CORIN: variants seen among roughly 807,000 people sequenced by gnomAD.
CORIN encodes the protein corin, serine peptidase, also known as atrial natriuretic peptide-converting enzyme.
CORIN carries 117 observed loss-of-function variants against 125.3 expected under a neutral mutation model. That is an observed-to-expected ratio of 0.93 (90% CI 0.80 to 1.09). The LOEUF is 1.09. Among genes scored for constraint, CORIN ranks in the 50% least tolerant of loss-of-function variants. The probability of loss-of-function intolerance (pLI) is 0.00; values close to 1 mark genes in which losing one functional copy is unlikely to be tolerated. For synonymous variants in CORIN, 450 were observed against 466.4 expected (o/e 0.96, Z 0.45); for missense variants, 1,253 against 1,306.7 (o/e 0.96, Z 0.63).
intron 6 of CORIN, 34 bp downstream of exon 6, chr4:47,692,936 C>T (rs957722053): frequency 6.8e-7 from 1 of 1,466,704 alleles, no homozygotes. Flanking sequence ...AATCCCTGTC[C>T]ACTCAGACAA....
chr4:47,712,101 A>G (rs560356415), intron 5 of CORIN, among the ~76,000 whole-genome samples: 50 of 152,370 alleles, frequency 3.3e-4, no homozygotes, highest in Non-Finnish European at 6.2e-4. Context: ...TTGAGATAAT[A>G]TATGTTAACA....
At chr4:47,777,474 T>C (rs1241504816) in intron 3 of CORIN, among the ~76,000 whole-genome samples, 3 of 152,020 alleles carry the variant, frequency 2.0e-5, no homozygotes, top group Non-Finnish European at 4.4e-5. Flanking sequence ...CTACTAAAAA[T>C]ACAAAAATTA....
At chr4:47,791,279 A>G (rs1324744742) in intron 2 of CORIN, among the ~76,000 whole-genome samples, 1 of 152,186 alleles carries the variant, frequency 6.6e-6, no homozygotes, top group Non-Finnish European at 1.5e-5. Context: ...TTGAAGATGG[A>G]AAGAGCCACA....
intron 5 of CORIN, among the ~76,000 whole-genome samples, chr4:47,719,168 G>A (rs1043214642): frequency 2.6e-5 from 4 of 152,158 alleles, no homozygotes; most frequent in Non-Finnish European, 2.9e-5. Context: ...ATTCCTTGTG[G>A]TCTCTACTTT....
chr4:47,680,290 C>G (rs1725212833), intron 7 of CORIN, 39 bp from the exon 8 acceptor site: 1 of 1,443,350 alleles, frequency 6.9e-7, no homozygotes, highest in South Asian at 1.2e-5. Context: ...AGAGAACCAG[C>G]ATGACTAACA....
chr4:47,714,439 G>C (rs1162830013), intron 5 of CORIN, among the ~76,000 whole-genome samples: 1 of 152,156 alleles, frequency 6.6e-6, no homozygotes, highest in Non-Finnish European at 1.5e-5. Context: ...TCCAATCCCA[G>C]AAATGAGGAA....
At chr4:47,762,529 T>C (rs1156807736) in intron 4 of CORIN, among the ~76,000 whole-genome samples, 2 of 152,246 alleles carry the variant, frequency 1.3e-5, no homozygotes, top group African/African-American at 4.8e-5. Flanking sequence ...TCCTGTTTGA[T>C]ATTGTGCTGG....
At chr4:47,814,687 T>A (rs534976440) in intron 1 of CORIN, among the ~76,000 whole-genome samples, 6 of 152,270 alleles carry the variant, frequency 3.9e-5, no homozygotes, top group African/African-American at 1.4e-4. Context: ...GTTTTTAATA[T>A]CCCAGGAAGC....
chr4:47,707,508 T>C (rs1429059227), intron 5 of CORIN, among the ~76,000 whole-genome samples: 3 of 152,180 alleles, frequency 2.0e-5, no homozygotes, highest in Non-Finnish European at 4.4e-5. Context: ...TAAAAGCCAA[T>C]TCCTAAGGAC....
intron 3 of CORIN, among the ~76,000 whole-genome samples, chr4:47,774,240 C>T (rs749549453): frequency 6.6e-6 from 1 of 152,044 alleles, no homozygotes; most frequent in African/African-American, 2.4e-5. Flanking sequence ...AGCTGCAGTG[C>T]GGGAGGCATG....
At chr4:47,688,179 C>A (rs1036705406) in intron 6 of CORIN, among the ~76,000 whole-genome samples, 1 of 152,182 alleles carries the variant, frequency 6.6e-6, no homozygotes, top group African/African-American at 2.4e-5. Flanking sequence ...CAGCTGTCTA[C>A]GCAATCCAGC....
chr4:47,831,801 T>C (rs1733018702), intron 1 of CORIN, among the ~76,000 whole-genome samples: 1 of 151,720 alleles, frequency 6.6e-6, no homozygotes, highest in South Asian at 2.1e-4. Flanking sequence ...ATAGGGTCTT[T>C]GCAGTTGAAG....
chr4:47,829,881 C>G (rs1328528828), intron 1 of CORIN, among the ~76,000 whole-genome samples: 5 of 152,112 alleles, frequency 3.3e-5, no homozygotes, highest in African/African-American at 1.2e-4. Context: ...AGTAAATAGT[C>G]CAACTACCTC....
At chr4:47,649,111 G>A (rs1723619550) in intron 13 of CORIN, among the ~76,000 whole-genome samples, 1 of 152,202 alleles carries the variant, frequency 6.6e-6, no homozygotes. Context: ...AGTCGCAGCA[G>A]CCTACCCAAT....
intron 10 of CORIN, among the ~76,000 whole-genome samples, chr4:47,670,736 G>T (rs1464333327): frequency 6.6e-6 from 1 of 152,160 alleles, no homozygotes; most frequent in African/African-American, 2.4e-5. Flanking sequence ...CCATTGTCTG[G>T]ATTGCATACC....
At chr4:47,801,698 C>T (rs1333032400) in intron 2 of CORIN, among the ~76,000 whole-genome samples, 1 of 152,170 alleles carries the variant, frequency 6.6e-6, no homozygotes, top group Non-Finnish European at 1.5e-5. Context: ...GCAGAGGGAA[C>T]ATTTGGACAG....
intron 16 of CORIN, among the ~76,000 whole-genome samples, 163 bp from the exon 17 acceptor site, chr4:47,626,684 C>A (rs10005710): frequency 6.6e-6 from 1 of 152,040 alleles, no homozygotes; most frequent in African/African-American, 2.4e-5. Flanking sequence ...CTGTTTTAGT[C>A]ATTCTCCCTG....
chr4:47,747,541 T>C (rs1331018142), intron 4 of CORIN, among the ~76,000 whole-genome samples: 2 of 152,050 alleles, frequency 1.3e-5, no homozygotes, highest in African/African-American at 2.4e-5. Context: ...ATTTTATTTA[T>C]CATTCTACAT....
intron 2 of CORIN, among the ~76,000 whole-genome samples, chr4:47,792,455 A>G (rs1731122012): frequency 6.6e-6 from 1 of 152,258 alleles, no homozygotes; most frequent in Non-Finnish European, 1.5e-5. Flanking sequence ...GTAAGGCCTT[A>G]GCCAACGCAA....
Sources: gnomAD v4.1 joint callset for allele counts (sites outside exome capture counted in the v4.1 genomes callset) on GRCh38, gnomAD v4.1.1 for gene constraint, MANE v1.5 for transcripts, NCBI Gene and HGNC (gene_info 2026-07-23, HGNC 2026-07-21) for gene names.